The following GPC3 variants were observed in gnomAD, a reference collection of about 807,000 sequenced individuals.
The protein encoded by GPC3 is glypican 3.
In GPC3, 3 loss-of-function variants were observed where a neutral mutation model predicts 34.4. The observed-to-expected ratio is 0.09, with a 90% CI of 0.04 to 0.23. The LOEUF (loss-of-function observed/expected upper bound fraction) is 0.23. Ranked by LOEUF, GPC3 falls within the 10% of genes least tolerant of loss-of-function variation. GPC3 has a pLI of 1.00. For missense variants in GPC3, 351 were observed against 445.6 expected (o/e 0.79, Z 1.91); for synonymous variants, 177 against 174.0 (o/e 1.02, Z -0.13).
intron 7 of GPC3, among the ~76,000 whole-genome samples, chrX:133,570,112 C>G (rs746230594): frequency 9.0e-6 from 1 of 111,117 alleles, no homozygotes; most frequent in African/African-American, 3.3e-5. Flanking sequence ...AGGATGGTCT[C>G]GATCTCCTGA....
chrX:133,764,663 C>T (rs1354537424), intron 2 of GPC3, among the ~76,000 whole-genome samples: 1 of 111,901 alleles, frequency 8.9e-6, no homozygotes, highest in African/African-American at 3.2e-5. Flanking sequence ...CACATGAAAA[C>T]TTGTTTCTTA....
chrX:133,974,273 C>A (rs1264551222), intron 1 of GPC3, among the ~76,000 whole-genome samples: 1 of 112,034 alleles, frequency 8.9e-6, no homozygotes, highest in Non-Finnish European at 1.9e-5. Context: ...TGGTCTTGAA[C>A]TCTTGGGCTC....
At position 133,985,530 on chromosome X, in the gene GPC3, G is replaced by C; in HGVS notation, c.-81C>G. ...GTCCCAGGACTCGGCAAGCCTGGCA[G>C]TGGCCCTGAGGAGCAAGAGACGTGC... On this transcript the variant is annotated 5_prime_UTR_variant, in exon 1 of 8. Coordinates refer to ENST00000370818, the MANE Select transcript of GPC3 (RefSeq NM_004484.4). 2 of 951,254 alleles carry C rather than the reference G, an allele frequency of 2.1e-6. No homozygotes were observed. Among genetic ancestry groups the C allele is most frequent in the Non-Finnish European group, 2.9e-6 (2 of 682,704 alleles). The allele number at this position is 951,254 out of a possible 1,213,427, so 78.4% of individuals were successfully genotyped here. A position where few individuals can be genotyped will look rare whatever the true frequency, so the allele number is the denominator to read the frequency against.
At chrX:133,743,127 G>A (rs1182585974) in intron 3 of GPC3, among the ~76,000 whole-genome samples, 1 of 112,835 alleles carries the variant, frequency 8.9e-6, no homozygotes, top group Non-Finnish European at 1.9e-5. Context: ...GGAAGGGAAA[G>A]GTAAACTGTA....
intron 1 of GPC3, among the ~76,000 whole-genome samples, chrX:133,958,183 G>A (rs1236286146): frequency 8.9e-6 from 1 of 111,973 alleles, no homozygotes; most frequent in Non-Finnish European, 1.9e-5. Context: ...ACGTAGTGTT[G>A]AATTAATGAG....
intron 2 of GPC3, among the ~76,000 whole-genome samples, chrX:133,855,028 G>C (rs755130093): frequency 1.8e-5 from 2 of 112,158 alleles, no homozygotes; most frequent in South Asian, 7.4e-4. Flanking sequence ...TGAATGCATA[G>C]GAAAAAATAC....
intron 1 of GPC3, among the ~76,000 whole-genome samples, chrX:133,967,608 T>A (rs142089597): frequency 8.9e-6 from 1 of 112,169 alleles, no homozygotes; most frequent in African/African-American, 3.2e-5. Context: ...TATTTTTTAG[T>A]TTTTTTGTTT....
chrX:133,720,451 C>A (rs1204477147), intron 3 of GPC3, among the ~76,000 whole-genome samples: 1 of 111,564 alleles, frequency 9.0e-6, no homozygotes, highest in Non-Finnish European at 1.9e-5. Flanking sequence ...AAGAGGAGTT[C>A]CTCTGTACAA....
At chrX:133,827,116 C>T (rs1309118356) in intron 2 of GPC3, among the ~76,000 whole-genome samples, 1 of 111,576 alleles carries the variant, frequency 9.0e-6, no homozygotes, top group African/African-American at 3.3e-5. Context: ...ATATGAATTT[C>T]ACCTAGGTAA....
At chrX:133,605,437 T>C (rs1165584630) in intron 6 of GPC3, among the ~76,000 whole-genome samples, 1 of 112,365 alleles carries the variant, frequency 8.9e-6, no homozygotes, top group African/African-American at 3.2e-5. Flanking sequence ...CTTTCCACTG[T>C]TTGTAATTCT....
At chrX:133,903,972 G>C (rs1458814477) in intron 2 of GPC3, among the ~76,000 whole-genome samples, 1 of 111,851 alleles carries the variant, frequency 8.9e-6, no homozygotes, top group Non-Finnish European at 1.9e-5. Flanking sequence ...GGTAGCAATG[G>C]GGCCACAAGA....
At chrX:133,710,538 T>C (rs776854693) in intron 3 of GPC3, among the ~76,000 whole-genome samples, 1 of 112,197 alleles carries the variant, frequency 8.9e-6, no homozygotes, top group Admixed American at 9.5e-5. Context: ...GTTCAGCTGG[T>C]CAGGAACATG....
At chrX:133,783,462 A>T (rs2072070405) in intron 2 of GPC3, among the ~76,000 whole-genome samples, 1 of 111,993 alleles carries the variant, frequency 8.9e-6, no homozygotes, top group Non-Finnish European at 1.9e-5. Context: ...GACGCACATG[A>T]TTGCCTTGCT....
intron 6 of GPC3, among the ~76,000 whole-genome samples, chrX:133,632,646 T>G (rs1383533433): frequency 8.9e-6 from 1 of 111,917 alleles, no homozygotes; most frequent in Non-Finnish European, 1.9e-5. Flanking sequence ...GATCTCTTCC[T>G]TTTCGTAATT....
intron 5 of GPC3, among the ~76,000 whole-genome samples, chrX:133,663,892 T>A (rs2070747741): frequency 8.9e-6 from 1 of 112,197 alleles, no homozygotes; most frequent in Non-Finnish European, 1.9e-5. Context: ...TGTACTTGTG[T>A]GCCTCATTTT....
chrX:133,704,363 G>T, intron 3 of GPC3: 1 of 383,583 alleles, frequency 2.6e-6, no homozygotes, highest in South Asian at 8.8e-5. Context: ...ACCTATGCCT[G>T]AGGAACCTGT....
At chrX:133,569,105 C>T (rs1231015172) in intron 7 of GPC3, among the ~76,000 whole-genome samples, 1 of 111,450 alleles carries the variant, frequency 9.0e-6, no homozygotes, top group Non-Finnish European at 1.9e-5. Flanking sequence ...GAGGTTGAGG[C>T]TGCAGCGAAC....
chrX:133,681,393 T>C (rs1339907925), intron 5 of GPC3, among the ~76,000 whole-genome samples: 1 of 112,357 alleles, frequency 8.9e-6, no homozygotes, highest in Non-Finnish European at 1.9e-5. Context: ...GTGTGCTTTT[T>C]GTTAATCCCT....
At chrX:133,542,232 T>C (rs2124265834) in intron 7 of GPC3, among the ~76,000 whole-genome samples, 1 of 112,302 alleles carries the variant, frequency 8.9e-6, no homozygotes, top group East Asian at 2.8e-4. Flanking sequence ...ACATCCATGC[T>C]GGATTGTTTC....
Sources: gnomAD v4.1 joint callset for allele counts (sites outside exome capture counted in the v4.1 genomes callset) on GRCh38, gnomAD v4.1.1 for gene constraint, MANE v1.5 for transcripts, NCBI Gene and HGNC (gene_info 2026-07-23, HGNC 2026-07-21) for gene names.